PTPRD: variants seen among roughly 807,000 people sequenced by gnomAD.
The protein encoded by PTPRD is receptor-type tyrosine-protein phosphatase delta.
A neutral mutation model predicts 214.5 loss-of-function variants in PTPRD; 34 were observed. That is an observed-to-expected ratio of 0.16 (90% confidence interval 0.12 to 0.21). The LOEUF (loss-of-function observed/expected upper bound fraction) is 0.21. PTPRD is among the 10% of genes least tolerant of loss of function. PTPRD has a pLI of 1.00. For synonymous variants in PTPRD, 1,128 were observed against 845.7 expected (o/e 1.33, Z -5.79); for missense variants, 2,545 against 2,398.7 (o/e 1.06, Z -1.27).
In PTPRD at chr9:9,672,214, T is replaced by C. The variant is rs572880320; in HGVS notation, c.-287+62319A>G. On this transcript the variant is annotated intron_variant, in intron 7 of 45. Coordinates refer to ENST00000381196, the MANE Select transcript of PTPRD (RefSeq NM_002839.4). ...ATATGATTCCATATTAAAACCACAATATAATTTTCTGAAAACAGTAAATTT... is the reference window on the plus strand; with the variant it reads ...ATATGATTCCATATTAAAACCACAACATAATTTTCTGAAAACAGTAAATTT... Among the ~76,000 whole-genome samples the C allele has an allele frequency of 1.1e-4, 16 of 152,304 alleles. No homozygotes were observed. In the South Asian group the frequency reaches 3.3e-3, roughly 32 times the overall value.
intron 8 of PTPRD, among the ~76,000 whole-genome samples, chr9:9,403,007 G>T (rs1425476044): frequency 6.9e-6 from 1 of 145,458 alleles, no homozygotes; most frequent in East Asian, 2.0e-4. Flanking sequence ...AAAAAATGAG[G>T]TGCCAGGCGC....
At chr9:10,444,805 G>A (rs1031805153) in intron 2 of PTPRD, among the ~76,000 whole-genome samples, 2 of 151,752 alleles carry the variant, frequency 1.3e-5, no homozygotes, top group Non-Finnish European at 2.9e-5. Flanking sequence ...TAATCTTTCT[G>A]AATAAATTAG....
At chr9:10,533,610 A>G (rs1371424779) in intron 2 of PTPRD, among the ~76,000 whole-genome samples, 2 of 152,008 alleles carry the variant, frequency 1.3e-5, no homozygotes, top group East Asian at 3.9e-4. Flanking sequence ...ATAATAAATA[A>G]TGGTAATATG....
chr9:9,186,147 G>T (rs1450244557), intron 9 of PTPRD, among the ~76,000 whole-genome samples: 1 of 152,080 alleles, frequency 6.6e-6, no homozygotes, highest in East Asian at 1.9e-4. Context: ...ATGAACAGAA[G>T]AAAATGGATT....
At position 10,031,647 on chromosome 9, in the gene PTPRD, T is replaced by TATATATATACACACACACACACAC; in HGVS notation, c.-472+2070_-472+2071insGTGTGTGTGTGTGTGTATATATAT. 7.3e-4 allele frequency among the ~76,000 whole-genome samples: 65 copies of TATATATATACACACACACACACAC among 89,630 alleles called. 1 individual carries two copies. Among genetic ancestry groups the TATATATATACACACACACACACAC allele is most frequent in the African/African-American group, 3.3e-3 (41 of 12,360 alleles). The allele number at this position is 89,630 out of a possible 152,430, so 58.8% of individuals were successfully genotyped here. A position where few individuals can be genotyped will look rare whatever the true frequency, so the allele number is the denominator to read the frequency against. ...CTCCATATATATATATATATATATA[T>TATATATATACACACACACACACAC]ACACACACACACACACACATACACA... is the stretch of plus-strand genomic sequence containing the variant. On this transcript the variant is annotated intron_variant, in intron 4 of 45. Transcript: ENST00000381196.
intron 3 of PTPRD, among the ~76,000 whole-genome samples, chr9:10,319,728 T>C (rs2096518670): frequency 6.6e-6 from 1 of 152,006 alleles, no homozygotes; most frequent in South Asian, 2.1e-4. Context: ...TACATTCTTA[T>C]TGATATTAAT....
intron 3 of PTPRD, among the ~76,000 whole-genome samples, chr9:10,089,815 C>A (rs1217295787): frequency 6.6e-6 from 1 of 151,600 alleles, no homozygotes; most frequent in Non-Finnish European, 1.5e-5. Context: ...TCGGGGCAAC[C>A]AGAAAACTTG....
At chr9:10,264,685 C>T (rs146655502) in intron 3 of PTPRD, among the ~76,000 whole-genome samples, 164 of 152,072 alleles carry the variant, frequency 1.1e-3, no homozygotes, top group African/African-American at 3.6e-3. Flanking sequence ...GAGTTAATGC[C>T]GAAATTAGTT....
intron 20 of PTPRD, among the ~76,000 whole-genome samples, chr9:8,518,900 T>TATA: frequency 6.6e-6 from 1 of 152,334 alleles, no homozygotes; most frequent in Middle Eastern, 3.4e-3. Flanking sequence ...TTACTATTAT[T>TATA]ATACCAAAAG....
rs904790568 is a variant in PTPRD, at chr9:8,552,676, G to A, written c.353-23897C>T. Among the ~76,000 whole-genome samples, 11 of 151,844 alleles carry A rather than the reference G, an allele frequency of 7.2e-5. 1 individual carries two copies. The East Asian group carries it at 2.2e-3, about 30-fold the overall frequency. On this transcript the variant is annotated intron_variant, in intron 14 of 45. Coordinates refer to ENST00000381196, the MANE Select transcript of PTPRD (RefSeq NM_002839.4). ...GATGACCCTTCTCTGGGGTGTTCAT[G>A]AGCAATGCTGGAGGAAAGAAGAAGC...
intron 10 of PTPRD, among the ~76,000 whole-genome samples, chr9:9,025,735 TG>T (rs1226326833): frequency 5.9e-5 from 9 of 151,938 alleles, no homozygotes; most frequent in Non-Finnish European, 1.2e-4. Context: ...CACATGATCT[TG>T]GGGAAGTCAA....
chr9:8,550,320 T>C (rs572296982), intron 14 of PTPRD, among the ~76,000 whole-genome samples: 2 of 152,210 alleles, frequency 1.3e-5, no homozygotes, highest in Non-Finnish European at 2.9e-5. Flanking sequence ...AATGATTTAA[T>C]GCATGTATGG....
In PTPRD at chr9:8,642,653, AGAGT is replaced by A. The variant is rs1367174533; in HGVS notation, c.65-5813_65-5810del. Among the ~76,000 whole-genome samples the A allele has an allele frequency of 2.0e-5, 3 of 150,248 alleles. No homozygotes were observed. In the Admixed American group the frequency reaches 2.0e-4, roughly 10 times the overall value. On this transcript the variant is annotated intron_variant, in intron 12 of 45. Transcript: ENST00000381196. Reference sequence around the variant, plus strand: ...GGTGGGAAATGCAGTGCATAGCAGAAGAGTGAGGGGTGGTTCCAAGGGTAGTAGC... The same window carrying A: ...GGTGGGAAATGCAGTGCATAGCAGAAGAGGGGTGGTTCCAAGGGTAGTAGC...
chr9:9,484,590 T>C (rs1004089563), intron 8 of PTPRD, among the ~76,000 whole-genome samples: 3 of 152,180 alleles, frequency 2.0e-5, no homozygotes, highest in African/African-American at 7.2e-5. Flanking sequence ...TTATGGTTGT[T>C]ATTGGTTTAC....
In PTPRD at chr9:8,340,425, G is replaced by A. The variant is rs750609422; in HGVS notation, c.5171C>T (p.Thr1724Ile). ...YIATQGPLAE[T>I]TEDFWRMLWE... ...GAGCATCCGCCAGAAGTCTTCAGTG[G>A]TCTCTGCCAAGGGCCCCTGGGTAGC... The change falls in exon 42 of 46, where the codon ACC becomes ATC. Residue 1724 changes from threonine to isoleucine, a missense_variant. Coordinates refer to ENST00000381196, the MANE Select transcript of PTPRD (RefSeq NM_002839.4). 1.2e-6 allele frequency: 2 copies of A among 1,608,796 alleles called. No homozygotes were observed. Among genetic ancestry groups the A allele is most frequent in the East Asian group, 2.2e-5 (1 of 44,832 alleles).
At chr9:9,281,255 T>G (rs1947590278) in intron 9 of PTPRD, among the ~76,000 whole-genome samples, 1 of 151,138 alleles carries the variant, frequency 6.6e-6, no homozygotes, top group Admixed American at 6.6e-5. Context: ...ATTGATAGTC[T>G]GGGCCTCACT....
chr9:10,310,817 T>A (rs1044586729), intron 3 of PTPRD, among the ~76,000 whole-genome samples: 1 of 152,098 alleles, frequency 6.6e-6, no homozygotes, highest in Admixed American at 6.6e-5. Context: ...GAATAGTTGT[T>A]AAACGCAAAA....
At chr9:9,084,366 C>T (rs1056310362) in intron 10 of PTPRD, among the ~76,000 whole-genome samples, 6 of 152,016 alleles carry the variant, frequency 3.9e-5, no homozygotes, top group Non-Finnish European at 4.4e-5. Context: ...AACATATGGA[C>T]ACAGGGAGGG....
chr9:9,413,857 G>A (rs959954268), intron 8 of PTPRD, among the ~76,000 whole-genome samples: 7 of 152,074 alleles, frequency 4.6e-5, no homozygotes, highest in Non-Finnish European at 8.8e-5. Context: ...AATGACAGGT[G>A]GTATTATATT....
Sources: gnomAD v4.1 joint callset for allele counts (sites outside exome capture counted in the v4.1 genomes callset) on GRCh38, gnomAD v4.1.1 for gene constraint, MANE v1.5 for transcripts, NCBI Gene and HGNC (gene_info 2026-07-23, HGNC 2026-07-21) for gene names.